C12orf42: variants seen among roughly 807,000 people sequenced by gnomAD.
C12orf42 encodes uncharacterized protein C12orf42.
A neutral mutation model predicts 21.6 loss-of-function variants in C12orf42; 25 were observed. The observed-to-expected ratio is 1.16, with a 90% CI of 0.84 to 1.62. The LOEUF (loss-of-function observed/expected upper bound fraction) is 1.62. Ranked by LOEUF, C12orf42 falls within the 40% of genes most tolerant of loss-of-function variation. The pLI, the probability that C12orf42 is intolerant of heterozygous loss-of-function variation, is 0.00. For synonymous variants in C12orf42, 174 were observed against 175.0 expected, an observed-to-expected ratio of 0.99 and a Z score of 0.05; for missense variants, 483 against 459.3, an observed-to-expected ratio of 1.05 and a Z score of -0.47.
chr12:103,240,963 T>G (rs757740488), intron 10 of C12orf42, among the ~76,000 whole-genome samples: 1 of 152,180 alleles, frequency 6.6e-6, no homozygotes, highest in African/African-American at 2.4e-5. Context: ...AAATTGCTCA[T>G]AGCAGAATGC....
At chr12:103,461,484 C>T (rs759660953) in intron 2 of C12orf42, among the ~76,000 whole-genome samples, 1 of 152,168 alleles carries the variant, frequency 6.6e-6, no homozygotes, top group Non-Finnish European at 1.5e-5. Flanking sequence ...TCCAGACCCA[C>T]TTTGCATTAT....
chr12:103,352,345 A>T (rs1192620719), intron 4 of C12orf42, among the ~76,000 whole-genome samples: 1 of 152,194 alleles, frequency 6.6e-6, no homozygotes, highest in East Asian at 1.9e-4. Context: ...ATGAAGAAAT[A>T]AAAATAAGTA....
the C12orf42 span, among the ~76,000 whole-genome samples, chr12:103,144,328 G>T: frequency 2.0e-5 from 3 of 152,194 alleles, no homozygotes; most frequent in Non-Finnish European, 4.4e-5. Context: ...AAAGGTAAAA[G>T]AGTGCATTTG....
At chr12:103,497,840 G>A (rs1000810675), upstream of C12orf42, among the ~76,000 whole-genome samples, 1 of 152,064 alleles carries the variant, frequency 6.6e-6, no homozygotes. Context: ...TACCATCCTG[G>A]CTAACATGGT....
intron 4 of C12orf42, among the ~76,000 whole-genome samples, chr12:103,280,681 A>T (rs1435179085): frequency 6.6e-6 from 1 of 152,180 alleles, no homozygotes; most frequent in Non-Finnish European, 1.5e-5. Context: ...AATACAATAA[A>T]TAAATAATAC....
At chr12:103,425,422 C>A (rs1314964950) in intron 2 of C12orf42, among the ~76,000 whole-genome samples, 3 of 152,162 alleles carry the variant, frequency 2.0e-5, no homozygotes, top group African/African-American at 7.2e-5. Flanking sequence ...TCGACAGACA[C>A]CTCATACAGG....
At chr12:103,532,579 CAT>C in the C12orf42 span, among the ~76,000 whole-genome samples, 1 of 151,964 alleles carries the variant, frequency 6.6e-6, no homozygotes, top group Non-Finnish European at 1.5e-5. Flanking sequence ...TATCACAAGT[CAT>C]GTTCTAAACT....
chr12:103,451,084 A>C (rs1951907986), intron 2 of C12orf42, among the ~76,000 whole-genome samples: 3 of 152,120 alleles, frequency 2.0e-5, no homozygotes, highest in Admixed American at 2.0e-4. Flanking sequence ...GCTGTAGGAC[A>C]CCGCAATGCT....
the C12orf42 span, among the ~76,000 whole-genome samples, chr12:103,202,776 G>A: frequency 6.6e-6 from 1 of 152,120 alleles, no homozygotes; most frequent in Non-Finnish European, 1.5e-5. Flanking sequence ...CTGGTAATAT[G>A]GGACAAATAG....
chr12:103,559,897 C>T, the C12orf42 span: 2 of 152,160 alleles, frequency 1.3e-5, no homozygotes, highest in African/African-American at 2.4e-5. Flanking sequence ...TTATTATTCC[C>T]ATGATCATCT....
the C12orf42 span, among the ~76,000 whole-genome samples, chr12:103,054,670 A>G: frequency 6.6e-6 from 1 of 151,902 alleles, no homozygotes; most frequent in East Asian, 1.9e-4. Flanking sequence ...TAAGGGGAAT[A>G]TATTCACCAA....
At chr12:103,104,632 G>T in the C12orf42 span, among the ~76,000 whole-genome samples, 2 of 152,176 alleles carry the variant, frequency 1.3e-5, no homozygotes, top group South Asian at 2.1e-4. Flanking sequence ...GTAGAGATGG[G>T]TTTTCACCAT....
chr12:103,469,800 G>A (rs903854976), intron 2 of C12orf42, among the ~76,000 whole-genome samples: 1 of 152,210 alleles, frequency 6.6e-6, no homozygotes, highest in African/African-American at 2.4e-5. Context: ...CAGCCACGTG[G>A]TAGGAGAGGC....
At chr12:103,467,403 T>C (rs1463260314) in intron 2 of C12orf42, among the ~76,000 whole-genome samples, 2 of 152,172 alleles carry the variant, frequency 1.3e-5, no homozygotes, top group African/African-American at 2.4e-5. Context: ...CAAAACGATC[T>C]GATGGATATA....
chr12:103,540,027 C>T, the C12orf42 span, among the ~76,000 whole-genome samples: 1 of 109,228 alleles, frequency 9.2e-6, no homozygotes, highest in East Asian at 2.9e-4. Context: ...GTTTTTGTTT[C>T]TTGAGACAGT....
the C12orf42 span, among the ~76,000 whole-genome samples, chr12:103,080,067 C>A: frequency 2.0e-5 from 3 of 152,156 alleles, no homozygotes; most frequent in African/African-American, 7.2e-5. Flanking sequence ...TCTTCCCAGC[C>A]TCCCTGATCA....
chr12:103,315,056 C>G (rs1010475764), intron 4 of C12orf42, among the ~76,000 whole-genome samples: 1 of 152,150 alleles, frequency 6.6e-6, no homozygotes, highest in African/African-American at 2.4e-5. Flanking sequence ...AAGCCTCTGA[C>G]CCCTGCAGCT....
chr12:103,250,636 A>G (rs1049551918), intron 10 of C12orf42, among the ~76,000 whole-genome samples: 1 of 152,170 alleles, frequency 6.6e-6, no homozygotes, highest in African/African-American at 2.4e-5. Context: ...ACTGATCTTC[A>G]AGAAATGTTA....
At chr12:103,255,769 T>C (rs914179469) in intron 10 of C12orf42, among the ~76,000 whole-genome samples, 1 of 151,190 alleles carries the variant, frequency 6.6e-6, no homozygotes, top group Non-Finnish European at 1.5e-5. Flanking sequence ...AAAGAATATA[T>C]GGCCGGGCGC....
Sources: allele counts gnomAD v4.1 joint callset (sites outside exome capture counted in the v4.1 genomes callset), GRCh38; gene constraint gnomAD v4.1.1; transcripts MANE v1.5; gene names NCBI Gene and HGNC (gene_info 2026-07-23, HGNC 2026-07-21).